MEGF10: variants seen among roughly 807,000 people sequenced by gnomAD.
MEGF10 encodes multiple epidermal growth factor-like domains protein 10.
Under a neutral mutation model 147.5 loss-of-function variants are expected in MEGF10, and 86 were observed. The ratio of observed to expected loss-of-function variants is 0.58; its 90% confidence interval spans 0.49 to 0.70. The LOEUF (loss-of-function observed/expected upper bound fraction) is 0.70, where lower values mean the gene tolerates loss of function less well. Among genes scored for constraint, MEGF10 ranks in the 30% least tolerant of loss-of-function variants. MEGF10 has a pLI of 0.00. For missense variants in MEGF10, 1,329 were observed against 1,487.3 expected, an observed-to-expected ratio of 0.89 and a Z score of 1.75; for synonymous variants, 478 against 525.5, an observed-to-expected ratio of 0.91 and a Z score of 1.24.
intron 5 of MEGF10, among the ~76,000 whole-genome samples, chr5:127,395,425 C>T (rs551214541): frequency 6.7e-6 from 1 of 148,872 alleles, no homozygotes; most frequent in South Asian, 2.1e-4. Flanking sequence ...TCAGGCTTGT[C>T]TTATTTTTTA....
chr5:127,424,500 A>C, intron 13 of MEGF10: 1 of 1,447,732 alleles, frequency 6.9e-7, no homozygotes, highest in South Asian at 1.5e-5. Context: ...CAGATTCATA[A>C]ACATGGGATG....
chr5:127,370,916 C>T (rs1762822992), intron 5 of MEGF10, among the ~76,000 whole-genome samples: 1 of 152,186 alleles, frequency 6.6e-6, no homozygotes, highest in Non-Finnish European at 1.5e-5. Flanking sequence ...TTAGCAAGTT[C>T]GCATGAGAGC....
rs530372687 is a variant in MEGF10 at position 127,388,806 on chromosome 5, A to G, written c.413-7726A>G. Among the ~76,000 whole-genome samples, 7 of 152,170 alleles carry G rather than the reference A, an allele frequency of 4.6e-5. No homozygotes were observed. The East Asian group carries it at 7.7e-4, about 17-fold the overall frequency. On this transcript the variant is annotated intron_variant, in intron 5 of 24. Transcript: ENST00000503335. The stretch of plus-strand genomic sequence containing the variant: ...GTGATCCACCCGCCTCAGCCTCCCA[A>G]AGTGCTGGGATTGCAGGCATGAGCC...
intron 1 of MEGF10, among the ~76,000 whole-genome samples, chr5:127,299,482 G>A (rs1162775795): frequency 6.6e-6 from 1 of 152,116 alleles, no homozygotes; most frequent in African/African-American, 2.4e-5. Context: ...GGAGGGAAAG[G>A]GTTGCAAACT....
At chr5:127,371,766 C>T (rs1561601160) in intron 5 of MEGF10, among the ~76,000 whole-genome samples, 1 of 152,150 alleles carries the variant, frequency 6.6e-6, no homozygotes, top group Non-Finnish European at 1.5e-5. Flanking sequence ...TTAATGAAGA[C>T]TCTAGAATTC....
the MEGF10 span, among the ~76,000 whole-genome samples, chr5:127,271,404 G>T: frequency 0.042 from 6,253 of 148,018 alleles, 219 homozygotes; most frequent in Middle Eastern, 0.099. Context: ...TTTTAGTGGG[G>T]TTTTTTTTTT....
In MEGF10 at chr5:127,380,523, C is replaced by CT. The variant is rs11302362; in HGVS notation, c.412+10533dup. Among the ~76,000 whole-genome samples, 195 of 145,058 alleles carry CT rather than the reference C, an allele frequency of 1.3e-3. 1 individual carries two copies. The highest frequency in any genetic ancestry group is 2.8e-3 in the East Asian group (14 of 4,982). On this transcript the variant is annotated intron_variant, in intron 5 of 24. Coordinates refer to ENST00000503335, the MANE Select transcript of MEGF10 (RefSeq NM_001256545.2). The stretch of plus-strand genomic sequence containing the variant: ...CACATTCTTTTTTTTCTTTCCTTTT[C>CT]TTTTTTTTTTTTGAGATGGAGTCTC...
chr5:127,332,810 T>C (rs1761315310), intron 2 of MEGF10, among the ~76,000 whole-genome samples: 1 of 152,122 alleles, frequency 6.6e-6, no homozygotes, highest in Non-Finnish European at 1.5e-5. Flanking sequence ...CATGAATCAT[T>C]GGCTACATCA....
At chr5:127,386,690 G>T (rs1035069346) in intron 5 of MEGF10, among the ~76,000 whole-genome samples, 1 of 152,104 alleles carries the variant, frequency 6.6e-6, no homozygotes, top group Non-Finnish European at 1.5e-5. Flanking sequence ...ATTTTACATT[G>T]TGAGAACTAA....
chr5:127,295,752 C>T (rs935623406), intron 1 of MEGF10, among the ~76,000 whole-genome samples: 13 of 152,270 alleles, frequency 8.5e-5, no homozygotes, highest in Admixed American at 7.8e-4. Context: ...GGACTTCAAA[C>T]GAAGCAATAT....
chr5:127,315,397 T>G (rs114372912), intron 1 of MEGF10, among the ~76,000 whole-genome samples: 7,293 of 152,272 alleles, frequency 0.048, 252 homozygotes, highest in African/African-American at 0.082. Flanking sequence ...GGTCCATTAA[T>G]ATATTTTAAA....
chr5:127,269,865 C>T, the MEGF10 span, among the ~76,000 whole-genome samples: 1 of 152,194 alleles, frequency 6.6e-6, no homozygotes, highest in Admixed American at 6.5e-5. Context: ...GGAAACCCAT[C>T]AGACTAACAG....
chr5:127,416,781 C>A (rs1764794548), intron 9 of MEGF10, among the ~76,000 whole-genome samples: 1 of 152,196 alleles, frequency 6.6e-6, no homozygotes, highest in Admixed American at 6.5e-5. Flanking sequence ...ACTGAGGCTA[C>A]TTAGGTAGTG....
At chr5:127,308,194 C>T (rs1035899611) in intron 1 of MEGF10, among the ~76,000 whole-genome samples, 1 of 152,000 alleles carries the variant, frequency 6.6e-6, no homozygotes, top group Admixed American at 6.6e-5. Flanking sequence ...TTAGCAATTA[C>T]GAGAGAGGAG....
At chr5:127,367,948 A>G (rs898443375) in intron 4 of MEGF10, among the ~76,000 whole-genome samples, 6 of 152,210 alleles carry the variant, frequency 3.9e-5, no homozygotes, top group African/African-American at 1.4e-4. Context: ...CATACCCTGC[A>G]CTGTTAGACC....
the MEGF10 span, among the ~76,000 whole-genome samples, chr5:127,247,198 C>G: frequency 7.8e-6 from 1 of 128,282 alleles, no homozygotes; most frequent in Non-Finnish European, 1.6e-5. Context: ...TTAGACAAAA[C>G]AAATTTTAAA....
chr5:127,442,842 T>A (rs909684594), intron 18 of MEGF10, among the ~76,000 whole-genome samples, 156 bp from the exon 19 acceptor site: 3 of 152,204 alleles, frequency 2.0e-5, no homozygotes, highest in African/African-American at 7.2e-5. Flanking sequence ...ATTCCAGGAA[T>A]GCTGTCCAGT....
chr5:127,447,533 A>G (rs1318044826), intron 20 of MEGF10, 24 bp from the exon 21 acceptor site: 6 of 1,613,624 alleles, frequency 3.7e-6, no homozygotes, highest in East Asian at 2.2e-5. Context: ...CTGCTGCCTT[A>G]ACCATTTCCT....
In MEGF10 at chr5:127,422,701, G is replaced by T. The variant is rs142664089; in HGVS notation, c.1622G>T (p.Arg541Leu). 5.8e-5 allele frequency: 93 copies of T among 1,613,888 alleles called. No individual in the cohort carries two copies. In the African/African-American group the frequency reaches 6.8e-4, roughly 12 times the overall value. Residue 541 changes from arginine (R) to leucine (L), a missense_variant, in exon 13 of 25, where the codon CGC becomes CTC. By Grantham distance (102) the Arg-to-Leu change is moderately radical (BLOSUM62 -2). This residue lies in a region of MEGF10 where 980 missense variants were observed against 1,085.9 expected (regional missense o/e 0.90). Transcript: ENST00000503335. ...DGTYGLNCAE[R>L]CDCSHADGCH... The stretch of plus-strand genomic sequence containing the variant: ...ACGTACGGGCTGAACTGTGCTGAGC[G>T]CTGCGACTGCAGCCACGCAGATGGC...
Sources: gnomAD v4.1 joint callset for allele counts (sites outside exome capture counted in the v4.1 genomes callset) on GRCh38, gnomAD v4.1.1 for gene constraint, gnomAD v4.1.1 regional missense constraint, MANE v1.5 for transcripts, NCBI Gene and HGNC (gene_info 2026-07-23, HGNC 2026-07-21) for gene names.